The following BPIFB3 variants were observed in gnomAD, a reference collection of about 807,000 sequenced individuals.
BPIFB3 encodes the protein BPI fold containing family B member 3.
In BPIFB3, 49 loss-of-function variants were observed where a neutral mutation model predicts 53.1. That is an observed-to-expected ratio of 0.92 (90% confidence interval 0.73 to 1.17). BPIFB3 has a LOEUF of 1.17. BPIFB3 is among the 50% of genes most tolerant of loss of function. The pLI is 0.00. For missense variants in BPIFB3, 628 were observed against 592.5 expected (o/e 1.06, Z -0.62); for synonymous variants, 271 against 269.6 (o/e 1.01, Z -0.05).
exon 7 of BPIFB3, chr20:33,064,531 A>G: frequency 6.2e-7 from 1 of 1,613,810 alleles, no homozygotes; most frequent in South Asian, 1.1e-5. Flanking sequence ...CAACCAGTAC[A>G]TAGAACTGGA....
At chr20:33,061,724 C>T (rs758582530) in intron 4 of BPIFB3, 44 bp from the exon 6 acceptor site, 13 of 1,591,574 alleles carry the variant, frequency 8.2e-6, no homozygotes, top group African/African-American at 5.4e-5. Context: ...TGGGTTGAAC[C>T]GTCCACCTGG....
chr20:33,061,172 A>C (rs962467239), intron 4 of BPIFB3, among the ~76,000 whole-genome samples: 1 of 152,094 alleles, frequency 6.6e-6, no homozygotes, highest in Non-Finnish European at 1.5e-5. Context: ...TGTCTCCACG[A>C]GGGCCCTAAG....
At chr20:33,066,937 A>G (rs1283944893) in intron 9 of BPIFB3, 60 bp downstream of exon 10, 8 of 1,555,246 alleles carry the variant, frequency 5.1e-6, no homozygotes, top group Non-Finnish European at 7.1e-6. Context: ...CCATGAATGG[A>G]GTCCAGAATC....
intron 1 of BPIFB3, among the ~76,000 whole-genome samples, chr20:33,056,271 A>G (rs1201961925): frequency 1.3e-5 from 2 of 152,152 alleles, no homozygotes; most frequent in Admixed American, 1.3e-4. Context: ...CCACTGGTAA[A>G]ATGAAGGGAT....
At chr20:33,056,066 G>A (rs1386897205) in intron 1 of BPIFB3, among the ~76,000 whole-genome samples, 3 of 152,166 alleles carry the variant, frequency 2.0e-5, no homozygotes, top group African/African-American at 4.8e-5. Context: ...CAGGCCTGGA[G>A]TGCCCAGGAG....
chr20:33,073,257 C>A (rs1980978904), intron 14 of BPIFB3, among the ~76,000 whole-genome samples: 1 of 152,176 alleles, frequency 6.6e-6, no homozygotes, highest in South Asian at 2.1e-4. Flanking sequence ...GGTGGAATAG[C>A]TCTAGGAGGT....
chr20:33,069,719 C>G (rs528380326), intron 10 of BPIFB3, among the ~76,000 whole-genome samples, 169 bp from the exon 12 acceptor site: 3 of 152,320 alleles, frequency 2.0e-5, no homozygotes, highest in East Asian at 1.9e-4. Context: ...CTCTGCTGTT[C>G]AAGAAAACAG....
exon 2 of BPIFB3, chr20:33,056,543 C>T (rs1980212392): frequency 5.0e-6 from 8 of 1,613,824 alleles, no homozygotes; most frequent in Non-Finnish European, 6.8e-6. Flanking sequence ...TCTCTGCAGC[C>T]ATCCAGAACT....
exon 1 of BPIFB3, chr20:33,055,504 G>A (rs149497264): frequency 1.5e-4 from 236 of 1,613,614 alleles, no homozygotes; most frequent in Non-Finnish European, 1.8e-4. Flanking sequence ...TGCTAGAGAC[G>A]GTGGGCACGC....
At chr20:33,058,916 G>A (rs1980325179) in intron 2 of BPIFB3, among the ~76,000 whole-genome samples, 1 of 152,132 alleles carries the variant, frequency 6.6e-6, no homozygotes, top group African/African-American at 2.4e-5. Flanking sequence ...AATGGCCTGG[G>A]CAAAGACCCA....
chr20:33,072,362 C>T (rs548530548), intron 13 of BPIFB3, among the ~76,000 whole-genome samples, 195 bp downstream of exon 14: 61 of 152,284 alleles, frequency 4.0e-4, no homozygotes, highest in Admixed American at 2.0e-3. Flanking sequence ...TCTTGCCAGC[C>T]TATGGACTTC....
intron 2 of BPIFB3, among the ~76,000 whole-genome samples, chr20:33,058,446 G>C (rs1980308166): frequency 6.6e-6 from 1 of 152,160 alleles, no homozygotes; most frequent in Non-Finnish European, 1.5e-5. Flanking sequence ...GCTGGAGTTT[G>C]AACCATCTGC....
intron 5 of BPIFB3, among the ~76,000 whole-genome samples, chr20:33,062,064 TAAGAAGGG>T (rs79711197): frequency 6.6e-6 from 1 of 152,134 alleles, no homozygotes; most frequent in African/African-American, 2.4e-5. Context: ...CGTAGGCTCC[TAAGAAGGG>T]TAAGAACCCC....
At position 33,072,839 on chromosome 20, in the gene BPIFB3, C is replaced by T. The variant is rs758216353; in HGVS notation, c.1401+46C>T. On this transcript the variant is annotated intron_variant, in intron 14 of 14. Transcript: ENST00000375494. ...CGGCCCAGGTGGGCCTTAAGCTTGT[C>T]TCTGGAAAGCTCTGCTTGAAACTAA... 1.8e-5 allele frequency: 26 copies of T among 1,435,764 alleles called. No individual in the cohort carries two copies. In the Middle Eastern group the frequency reaches 5.2e-4, roughly 29 times the overall value. The allele number at this position is 1,435,764 out of a possible 1,614,324, so 88.9% of individuals were successfully genotyped here.
exon 2 of BPIFB3, chr20:33,056,665 G>T (rs1439526894): frequency 6.2e-7 from 1 of 1,610,752 alleles, no homozygotes; most frequent in East Asian, 2.2e-5. Flanking sequence ...CTGGGCCACG[G>T]AGGGGTTTTT....
chr20:33,071,668 G>A (rs1042919044), intron 12 of BPIFB3, among the ~76,000 whole-genome samples: 11 of 152,104 alleles, frequency 7.2e-5, no homozygotes, highest in Non-Finnish European at 1.5e-4. Context: ...ACAGAGCCCC[G>A]AGGTTCCTGC....
chr20:33,063,983 T>TC (rs1030089662), intron 6 of BPIFB3, among the ~76,000 whole-genome samples: 28 of 152,138 alleles, frequency 1.8e-4, no homozygotes, highest in Admixed American at 1.5e-3. Context: ...GATTACCTGG[T>TC]CAGACTAGAT....
chr20:33,057,980 A>T (rs1373233553), intron 2 of BPIFB3, among the ~76,000 whole-genome samples: 1 of 152,202 alleles, frequency 6.6e-6, no homozygotes, highest in Non-Finnish European at 1.5e-5. Flanking sequence ...ACTATTATGA[A>T]CTGCATTTAA....
At chr20:33,060,009 G>C (rs1473196960) in exon 4 of BPIFB3, 1 of 1,613,952 alleles carries the variant, frequency 6.2e-7, no homozygotes, top group Admixed American at 1.7e-5. Flanking sequence ...CACGCTCCTG[G>C]GCCACATCAG....
Sources: allele counts gnomAD v4.1 joint callset (sites outside exome capture counted in the v4.1 genomes callset), GRCh38; gene constraint gnomAD v4.1.1; transcripts MANE v1.5; gene names NCBI Gene and HGNC (gene_info 2026-07-23, HGNC 2026-07-21).